The following ACSS3 variants were observed in gnomAD, a reference collection of about 807,000 sequenced individuals.
The protein encoded by ACSS3 is acyl-CoA synthetase short chain family member 3.
A neutral mutation model predicts 84.2 loss-of-function variants in ACSS3; 64 were observed. That is an observed-to-expected ratio of 0.76 (90% CI 0.62 to 0.94). The LOEUF (loss-of-function observed/expected upper bound fraction) is 0.94, where lower values mean the gene tolerates loss of function less well. Among genes scored for constraint, ACSS3 ranks in the 40% least tolerant of loss-of-function variants. The probability of loss-of-function intolerance (pLI) is 0.00; values close to 1 mark genes in which losing one functional copy is unlikely to be tolerated. For missense variants in ACSS3, 815 were observed against 867.6 expected (o/e 0.94, Z 0.76); for synonymous variants, 317 against 310.1 (o/e 1.02, Z -0.23).
At chr12:81,127,930 T>G (rs2121549699) in intron 2 of ACSS3, among the ~76,000 whole-genome samples, 1 of 152,302 alleles carries the variant, frequency 6.6e-6, no homozygotes, top group African/African-American at 2.4e-5. Flanking sequence ...GGTCACAAAG[T>G]TATACTACCC....
At chr12:81,190,951 T>C (rs1186791485) in intron 8 of ACSS3, among the ~76,000 whole-genome samples, 1 of 152,070 alleles carries the variant, frequency 6.6e-6, no homozygotes. Flanking sequence ...TACATCTTGG[T>C]TAATATATTA....
chr12:81,214,707 T>G (rs1264544669), intron 9 of ACSS3, among the ~76,000 whole-genome samples: 2 of 152,210 alleles, frequency 1.3e-5, no homozygotes, highest in Non-Finnish European at 2.9e-5. Flanking sequence ...TCTCACCTTC[T>G]TTTCCTACAT....
chr12:81,195,330 T>A (rs1440753079), intron 8 of ACSS3, among the ~76,000 whole-genome samples: 1 of 152,050 alleles, frequency 6.6e-6, no homozygotes. Flanking sequence ...TTTTATTTTG[T>A]CTTGTTTTTA....
chr12:81,177,465 T>C (rs1300978074), intron 8 of ACSS3, among the ~76,000 whole-genome samples: 2 of 131,618 alleles, frequency 1.5e-5, no homozygotes, highest in Non-Finnish European at 3.7e-5. Flanking sequence ...CAGTAAAGTT[T>C]CAAGATCCAA....
intron 1 of ACSS3, among the ~76,000 whole-genome samples, chr12:81,084,849 A>G (rs1379058926): frequency 6.6e-6 from 1 of 152,230 alleles, no homozygotes; most frequent in Admixed American, 6.5e-5. Flanking sequence ...GAGATTCTTG[A>G]TGACTTTCTA....
intron 1 of ACSS3, among the ~76,000 whole-genome samples, chr12:81,108,301 CAG>C (rs1339411744): frequency 6.7e-6 from 1 of 149,186 alleles, no homozygotes; most frequent in Non-Finnish European, 1.5e-5. Flanking sequence ...TATTTTGAGA[CAG>C]AGTCTTGTTC....
chr12:81,187,035 A>G (rs2031302224), intron 8 of ACSS3, among the ~76,000 whole-genome samples: 1 of 151,844 alleles, frequency 6.6e-6, no homozygotes, highest in African/African-American at 2.4e-5. Flanking sequence ...CTAAAAAAGA[A>G]TGAGATTTTG....
At chr12:81,203,046 C>G (rs563691373) in intron 9 of ACSS3, among the ~76,000 whole-genome samples, 12 of 152,056 alleles carry the variant, frequency 7.9e-5, no homozygotes, top group Non-Finnish European at 1.3e-4. Context: ...TGGCTCAGTC[C>G]AAGTCCAAAG....
At position 81,097,997 on chromosome 12, in the gene ACSS3, C is replaced by T. The variant is rs529186623; in HGVS notation, c.312-11563C>T. Reference sequence around the variant, plus strand: ...AAAAAAAAGAACAATTCTTGGGCAGCGCCACTGTCTGTGTGTGTTGTTTGC... The same window carrying T: ...AAAAAAAAGAACAATTCTTGGGCAGTGCCACTGTCTGTGTGTGTTGTTTGC... On this transcript the variant is annotated intron_variant, in intron 1 of 15. Transcript: ENST00000548058. Among the ~76,000 whole-genome samples the T allele has an allele frequency of 8.7e-4, 132 of 152,196 alleles. 1 individual carries two copies. The highest frequency in any genetic ancestry group is 4.2e-3 in the East Asian group (22 of 5,184).
intron 5 of ACSS3, among the ~76,000 whole-genome samples, chr12:81,149,604 T>G (rs554141509): frequency 6.6e-6 from 1 of 152,152 alleles, no homozygotes; most frequent in Non-Finnish European, 1.5e-5. Context: ...GAGTCTAGAT[T>G]AATAAATGGT....
intron 13 of ACSS3, among the ~76,000 whole-genome samples, chr12:81,242,236 G>A (rs567185493): frequency 1.3e-3 from 204 of 152,186 alleles, no homozygotes; most frequent in Admixed American, 4.0e-3. Context: ...ACACCTCTAC[G>A]CAAATAAACT....
In ACSS3 at chr12:81,203,620, CT is replaced by C. The variant is rs549041841; in HGVS notation, c.1354+4177del. On this transcript the variant is annotated intron_variant, in intron 9 of 15. Coordinates refer to ENST00000548058, the MANE Select transcript of ACSS3 (RefSeq NM_024560.4). ...AAGAACAGATTAGCACCCTCCACCC[CT>C]CATAGGAACATTTTAATAAAGAATT... Among the ~76,000 whole-genome samples the C allele has an allele frequency of 2.2e-4, 34 of 152,256 alleles. No individual in the cohort carries two copies. The East Asian group carries it at 6.4e-3, about 29-fold the overall frequency.
chr12:81,199,807 A>T, intron 9 of ACSS3: 2 of 611,496 alleles, frequency 3.3e-6, no homozygotes, highest in Admixed American at 2.6e-5. Flanking sequence ...CAGCTGCATT[A>T]TCCTCTGTCC....
Position 81,188,469 on chromosome 12 carries a change from C to G in ACSS3, c.1251-10872C>G, listed in dbSNP as rs575911480. Among the ~76,000 whole-genome samples, 529 of 152,100 alleles carry G rather than the reference C, an allele frequency of 3.5e-3. 1 individual carries two copies. Among genetic ancestry groups the G allele is most frequent in the Non-Finnish European group, 5.3e-3 (357 of 67,920 alleles). ...TGAACACATCCAGATCAAGAAATAG[C>G]ACATATCCTGCATCGCAGAAGCCCT... On this transcript the variant is annotated intron_variant, in intron 8 of 15. Transcript: ENST00000548058.
At chr12:81,090,225 G>A (rs890574270) in intron 1 of ACSS3, among the ~76,000 whole-genome samples, 2 of 151,972 alleles carry the variant, frequency 1.3e-5, no homozygotes, top group Non-Finnish European at 2.9e-5. Context: ...TGTCTCTAGG[G>A]ATTTTATCTT....
At chr12:81,095,388 T>C (rs1454282259) in intron 1 of ACSS3, among the ~76,000 whole-genome samples, 2 of 152,232 alleles carry the variant, frequency 1.3e-5, no homozygotes, top group African/African-American at 4.8e-5. Context: ...TAAATGTTTT[T>C]ATCTTTTACT....
chr12:81,260,637 T>A lies in ACSS3; in HGVS notation c.*5715T>A, dbSNP rs1353827972. ...AATCTCTTATCGGGATGCTTTTCAT[T>A]TTATCAGCTTCAAATAGTGATCCAA... On this transcript the variant is annotated 3_prime_UTR_variant, in exon 16 of 16. Transcript: ENST00000548058. 6.6e-6 allele frequency: 1 copy of A among 152,156 alleles called. No homozygotes were observed. Among genetic ancestry groups the A allele is most frequent in the African/African-American group, 2.4e-5 (1 of 41,452 alleles). The allele number at this position is 152,156 out of a possible 1,614,324, so 9.4% of individuals were successfully genotyped here.
intron 9 of ACSS3, among the ~76,000 whole-genome samples, chr12:81,202,076 G>T (rs907427320): frequency 6.6e-6 from 1 of 151,984 alleles, no homozygotes; most frequent in African/African-American, 2.4e-5. Context: ...TCAGGAGTTC[G>T]AGACCAGCCT....
intron 12 of ACSS3, among the ~76,000 whole-genome samples, chr12:81,231,877 C>G (rs900644966): frequency 6.6e-6 from 1 of 151,330 alleles, no homozygotes; most frequent in Non-Finnish European, 1.5e-5. Flanking sequence ...CCCACCCCCA[C>G]CGCCTAACCC....
Sources: allele counts gnomAD v4.1 joint callset (sites outside exome capture counted in the v4.1 genomes callset), GRCh38; gene constraint gnomAD v4.1.1; transcripts MANE v1.5; gene names NCBI Gene and HGNC (gene_info 2026-07-23, HGNC 2026-07-21).